Variants in ADARB2 observed in about 807,000 individuals in gnomAD.
ADARB2 encodes inactive double-stranded RNA-specific editase B2.
ADARB2 carries 25 observed loss-of-function variants against 62.2 expected under a neutral mutation model. That is an observed-to-expected ratio of 0.40 (90% CI 0.29 to 0.56). The LOEUF is 0.56. ADARB2 is among the 20% of genes least tolerant of loss of function. ADARB2 has a pLI of 0.43. For missense variants in ADARB2, 1,071 were observed against 1,077.4 expected, an observed-to-expected ratio of 0.99 and a Z score of 0.08; for synonymous variants, 572 against 500.8, an observed-to-expected ratio of 1.14 and a Z score of -1.90.
chr10:1,316,266 AG>A (rs1228223249), intron 3 of ADARB2, among the ~76,000 whole-genome samples: 1 of 152,226 alleles, frequency 6.6e-6, no homozygotes, highest in Non-Finnish European at 1.5e-5. Context: ...ACAGCAGGGA[AG>A]GGAGTGGATG....
chr10:1,439,552 T>C (rs1236321592), intron 1 of ADARB2, among the ~76,000 whole-genome samples: 3 of 91,068 alleles, frequency 3.3e-5, no homozygotes, highest in Admixed American at 1.3e-4. Context: ...CCTCAGCAGA[T>C]GGAGGCAGGT....
At chr10:1,368,140 C>G (rs538274187) in intron 2 of ADARB2, among the ~76,000 whole-genome samples, 10 of 146,666 alleles carry the variant, frequency 6.8e-5, no homozygotes, top group Non-Finnish European at 1.1e-4. Flanking sequence ...CTGTGGGGAA[C>G]GGGGGCGCAG....
intron 1 of ADARB2, among the ~76,000 whole-genome samples, chr10:1,584,525 G>T (rs767922804): frequency 6.6e-6 from 1 of 152,210 alleles, no homozygotes; most frequent in Non-Finnish European, 1.5e-5. Context: ...GTGGATGACA[G>T]TTCCATGGTT....
At chr10:1,592,467 TAGGTCTCCTCTCTGGCATGGTCCCCTCTG>T (rs1833272483) in intron 1 of ADARB2, among the ~76,000 whole-genome samples, 1 of 17,250 alleles carries the variant, frequency 5.8e-5, no homozygotes, top group Non-Finnish European at 1.4e-4. Context: ...CCACCCTCCA[TAGGTCTCCTCTCTGGCATGGTCCCCTCTG>T]TCACCCAGCT....
intron 5 of ADARB2, among the ~76,000 whole-genome samples, chr10:1,235,021 A>G (rs112056692): frequency 3.7e-4 from 56 of 152,260 alleles, no homozygotes; most frequent in African/African-American, 1.3e-3. Flanking sequence ...AGCTGGGATT[A>G]CAGGCGAGAG....
intron 1 of ADARB2, among the ~76,000 whole-genome samples, chr10:1,474,179 C>T (rs1402383147): frequency 1.3e-5 from 2 of 152,218 alleles, no homozygotes; most frequent in African/African-American, 2.4e-5. Context: ...GTACACGTCA[C>T]ATCTGTAAAT....
At chr10:1,534,213 T>C (rs971063439) in intron 1 of ADARB2, among the ~76,000 whole-genome samples, 7 of 151,426 alleles carry the variant, frequency 4.6e-5, no homozygotes, top group Admixed American at 2.6e-4. Context: ...CTTGGCTCAC[T>C]GAAACCTCTG....
chr10:1,388,431 C>T (rs1832541997), intron 1 of ADARB2, among the ~76,000 whole-genome samples: 2 of 152,084 alleles, frequency 1.3e-5, no homozygotes, highest in Admixed American at 6.6e-5. Context: ...GGAAGTAGAA[C>T]TGACTTTATC....
intron 1 of ADARB2, among the ~76,000 whole-genome samples, chr10:1,457,401 T>A (rs1831107873): frequency 6.6e-6 from 1 of 152,112 alleles, no homozygotes; most frequent in African/African-American, 2.4e-5. Flanking sequence ...AGGGTCTTTG[T>A]CTTCTGATGC....
At chr10:1,494,306 T>C (rs1831661541) in intron 1 of ADARB2, among the ~76,000 whole-genome samples, 1 of 152,218 alleles carries the variant, frequency 6.6e-6, no homozygotes, top group African/African-American at 2.4e-5. Context: ...CTGAGGTCAA[T>C]CAACTACTTT....
intron 3 of ADARB2, among the ~76,000 whole-genome samples, chr10:1,302,693 A>G (rs942182309): frequency 1.3e-5 from 2 of 152,240 alleles, no homozygotes; most frequent in African/African-American, 4.8e-5. Context: ...GAACGGGCAG[A>G]CTGCCTCCTC....
intron 1 of ADARB2, among the ~76,000 whole-genome samples, chr10:1,397,883 T>G (rs1194118300): frequency 9.1e-5 from 6 of 66,218 alleles, no homozygotes; most frequent in Admixed American, 3.0e-4. Flanking sequence ...GTCACCGTCC[T>G]CCTCTCCCCT....
At position 1,627,050 on chromosome 10, in the gene ADARB2, C is replaced by G. The variant is rs954609283; in HGVS notation, c.100+110001G>C. 2.0e-5 allele frequency among the ~76,000 whole-genome samples: 3 copies of G among 152,174 alleles called. No homozygotes were observed. The East Asian group carries it at 5.8e-4, about 30-fold the overall frequency. ...CGCACCCGCTAGCACCGCTTTCTGCCCACCCTGGCCTGGACGCCTCTCCCT... is the reference window on the plus strand; with the variant it reads ...CGCACCCGCTAGCACCGCTTTCTGCGCACCCTGGCCTGGACGCCTCTCCCT... On this transcript the variant is annotated intron_variant, in intron 1 of 9. Transcript: ENST00000381312.
At chr10:1,304,510 C>A (rs1341961589) in intron 3 of ADARB2, among the ~76,000 whole-genome samples, 4 of 152,234 alleles carry the variant, frequency 2.6e-5, no homozygotes, top group African/African-American at 9.6e-5. Flanking sequence ...AAACTCAGCT[C>A]TGCAACAAGC....
At chr10:1,606,429 A>G (rs1335603264) in intron 1 of ADARB2, among the ~76,000 whole-genome samples, 2 of 152,302 alleles carry the variant, frequency 1.3e-5, no homozygotes, top group East Asian at 3.9e-4. Flanking sequence ...GCCCTGCTTC[A>G]CAGCCCAAGG....
chr10:1,662,832 C>T (rs1479183717), intron 1 of ADARB2, among the ~76,000 whole-genome samples: 1 of 152,218 alleles, frequency 6.6e-6, no homozygotes, highest in Non-Finnish European at 1.5e-5. Flanking sequence ...AGCAGTGCCC[C>T]TCTAGGGGAA....
At chr10:1,493,809 A>G (rs1277327886) in intron 1 of ADARB2, among the ~76,000 whole-genome samples, 2 of 124,368 alleles carry the variant, frequency 1.6e-5, no homozygotes, top group South Asian at 2.7e-4. Context: ...CCCAGGCTGG[A>G]GTGCAATGGC....
intron 1 of ADARB2, among the ~76,000 whole-genome samples, chr10:1,691,735 G>A (rs1834675347): frequency 2.0e-5 from 3 of 152,008 alleles, no homozygotes; most frequent in Admixed American, 6.6e-5. Context: ...GCTCTGGTTC[G>A]TCCCGCACCA....
At chr10:1,193,799 A>G (rs560418753) in intron 8 of ADARB2, among the ~76,000 whole-genome samples, 1 of 152,256 alleles carries the variant, frequency 6.6e-6, no homozygotes, top group South Asian at 2.1e-4. Flanking sequence ...TCTGAGAATC[A>G]GTTACCAGTC....
Sources: gnomAD v4.1 joint callset for allele counts (sites outside exome capture counted in the v4.1 genomes callset) on GRCh38, gnomAD v4.1.1 for gene constraint, MANE v1.5 for transcripts, NCBI Gene and HGNC (gene_info 2026-07-23, HGNC 2026-07-21) for gene names.